Variants in ALDH1A2 observed in about 807,000 individuals in gnomAD.
The protein encoded by ALDH1A2 is retinal dehydrogenase 2.
In ALDH1A2, 27 loss-of-function variants were observed where a neutral mutation model predicts 60.3. The ratio of observed to expected loss-of-function variants is 0.45; its 90% confidence interval spans 0.33 to 0.62. The LOEUF is 0.62. ALDH1A2 is among the 20% of genes least tolerant of loss of function. ALDH1A2 has a pLI of 0.02. For synonymous variants in ALDH1A2, 289 were observed against 232.4 expected, an observed-to-expected ratio of 1.24 and a Z score of -2.21; for missense variants, 581 against 643.8, an observed-to-expected ratio of 0.90 and a Z score of 1.06.
intron 1 of ALDH1A2, among the ~76,000 whole-genome samples, chr15:58,030,404 C>G (rs1896203680): frequency 6.6e-6 from 1 of 152,142 alleles, no homozygotes; most frequent in Admixed American, 6.6e-5. Flanking sequence ...ATAATAAGAG[C>G]TATTTATGAC....
chr15:58,011,340 A>G (rs546659164), intron 3 of ALDH1A2, among the ~76,000 whole-genome samples: 1 of 152,330 alleles, frequency 6.6e-6, no homozygotes, highest in South Asian at 2.1e-4. Context: ...TTTTGTAAAC[A>G]TTTACATTAA....
rs75685914 is a variant in ALDH1A2 at position 57,957,115 on chromosome 15, C to A, written c.1485-1846G>T. ...GGAAAGCCAGTAAGCAGTCTTAGAG[C>A]AGCACGACTGAGGAGGCATGGAGGA... On this transcript the variant is annotated intron_variant, in intron 12 of 12. Transcript: ENST00000249750. Among the ~76,000 whole-genome samples, 3 of 152,254 alleles carry A rather than the reference C, an allele frequency of 2.0e-5. No individual in the cohort carries two copies. In the East Asian group the frequency reaches 5.8e-4, roughly 29 times the overall value.
chr15:57,995,776 T>C (rs773686442), intron 4 of ALDH1A2, among the ~76,000 whole-genome samples: 19 of 152,050 alleles, frequency 1.2e-4, no homozygotes, highest in Admixed American at 2.6e-4. Flanking sequence ...GAAATGAGAA[T>C]GTCCTAGGGG....
At position 57,954,924 on chromosome 15, in the gene ALDH1A2, A is replaced by G; in HGVS notation, c.*273T>C. 1.9e-6 allele frequency: 1 copy of G among 539,556 alleles called. No homozygotes were observed. The highest frequency in any genetic ancestry group is 2.1e-5 in the South Asian group (1 of 47,312). The allele number at this position is 539,556 out of a possible 1,614,324, so 33.4% of individuals were successfully genotyped here. ...TTATTTCATCCTGTGCTCCAGAAGG[A>G]GATACTGGATGTGTCTGCTAGCTCC... is the stretch of plus-strand genomic sequence containing the variant. On this transcript the variant is annotated 3_prime_UTR_variant, in exon 13 of 13. Transcript: ENST00000249750.
Position 57,958,502 on chromosome 15 carries a change from C to T in ALDH1A2, c.1484+2268G>A, listed in dbSNP as rs188625871. Among the ~76,000 whole-genome samples the T allele has an allele frequency of 3.3e-5, 5 of 152,248 alleles. No individual in the cohort carries two copies. The East Asian group carries it at 9.7e-4, about 29-fold the overall frequency. ...TGGGAATTAAGAGGGCAGCCCTCCCCACAGCTCTCTGTGGGGAGACCTCGT... is the reference window on the plus strand; with the variant it reads ...TGGGAATTAAGAGGGCAGCCCTCCCTACAGCTCTCTGTGGGGAGACCTCGT... On this transcript the variant is annotated intron_variant, in intron 12 of 12. Transcript: ENST00000249750.
At chr15:58,061,634 A>C (rs1172225472) in intron 1 of ALDH1A2, among the ~76,000 whole-genome samples, 1 of 148,856 alleles carries the variant, frequency 6.7e-6, no homozygotes, top group African/African-American at 2.4e-5. Context: ...AAACGGAACA[A>C]AACGATGAAA....
At chr15:57,987,255 A>AT (rs1220142166) in intron 7 of ALDH1A2, among the ~76,000 whole-genome samples, 1 of 152,170 alleles carries the variant, frequency 6.6e-6, no homozygotes. Flanking sequence ...CAAAAAAAAA[A>AT]GATTTGAAAA....
intron 1 of ALDH1A2, among the ~76,000 whole-genome samples, chr15:58,022,258 CCA>C (rs1371490434): frequency 6.6e-6 from 1 of 152,142 alleles, no homozygotes; most frequent in African/African-American, 2.4e-5. Context: ...ACCCAATCTA[CCA>C]CCTTGGGTAC....
intron 8 of ALDH1A2, 112 bp from the exon 9 acceptor site, chr15:57,964,181 C>G: frequency 1.8e-6 from 2 of 1,132,058 alleles, no homozygotes; most frequent in Non-Finnish European, 2.6e-6. Flanking sequence ...CACTGCATGA[C>G]ATAACCATGA....
intron 7 of ALDH1A2, among the ~76,000 whole-genome samples, chr15:57,976,356 C>G (rs1287692142): frequency 1.3e-5 from 2 of 152,068 alleles, no homozygotes; most frequent in African/African-American, 4.8e-5. Context: ...TTACATGTGC[C>G]ATGGTGGTTT....
At chr15:57,983,241 T>C (rs1392105773) in intron 7 of ALDH1A2, among the ~76,000 whole-genome samples, 1 of 152,240 alleles carries the variant, frequency 6.6e-6, no homozygotes, top group African/African-American at 2.4e-5. Context: ...GTGCTGATTC[T>C]TTAATATCTG....
intron 1 of ALDH1A2, among the ~76,000 whole-genome samples, chr15:58,021,246 C>T (rs1209311786): frequency 1.3e-5 from 2 of 152,158 alleles, no homozygotes; most frequent in African/African-American, 2.4e-5. Flanking sequence ...TCACTAGAAG[C>T]AGTTTATATG....
intron 4 of ALDH1A2, among the ~76,000 whole-genome samples, chr15:58,008,143 T>C (rs945698996): frequency 1.3e-5 from 2 of 152,108 alleles, no homozygotes; most frequent in Admixed American, 6.6e-5. Context: ...AGAGCTCTTA[T>C]GACCCAAACT....
At chr15:57,981,415 C>A (rs779857739) in intron 7 of ALDH1A2, among the ~76,000 whole-genome samples, 1 of 151,448 alleles carries the variant, frequency 6.6e-6, no homozygotes, top group Non-Finnish European at 1.5e-5. Flanking sequence ...AGTAAAGCTG[C>A]CAGAGGAGAG....
Position 58,004,625 on chromosome 15 carries a change from C to G in ALDH1A2, c.493+6024G>C, listed in dbSNP as rs1406743266. Among the ~76,000 whole-genome samples, 2 of 151,030 alleles carry G rather than the reference C, an allele frequency of 1.3e-5. 1 individual carries two copies. The highest frequency in any genetic ancestry group is 3.0e-5 in the Non-Finnish European group (2 of 67,728). Reference sequence around the variant, plus strand: ...TCACTTATTTCAGTATAATGGCCTCCAACCCCATCCATGTTGCTGCAAAAG... The same window carrying G: ...TCACTTATTTCAGTATAATGGCCTCGAACCCCATCCATGTTGCTGCAAAAG... On this transcript the variant is annotated intron_variant, in intron 4 of 12. Transcript: ENST00000249750.
At chr15:57,966,985 A>C (rs1294755154) in intron 7 of ALDH1A2, among the ~76,000 whole-genome samples, 3 of 152,248 alleles carry the variant, frequency 2.0e-5, no homozygotes, top group Non-Finnish European at 4.4e-5. Context: ...TGTTGAGATG[A>C]AAAAATGTTA....
intron 1 of ALDH1A2, among the ~76,000 whole-genome samples, chr15:58,043,567 GC>G (rs1896569503): frequency 6.6e-6 from 1 of 151,934 alleles, no homozygotes; most frequent in African/African-American, 2.4e-5. Context: ...AAATGTGACT[GC>G]CTTCTTTTCC....
chr15:58,022,022 G>T (rs1378287434), intron 1 of ALDH1A2, among the ~76,000 whole-genome samples: 1 of 152,170 alleles, frequency 6.6e-6, no homozygotes, highest in Non-Finnish European at 1.5e-5. Flanking sequence ...TCCAGGCTGT[G>T]GCCACTGATG....
intron 1 of ALDH1A2, chr15:58,058,108 C>T (rs1489470272): frequency 5.9e-6 from 9 of 1,521,526 alleles, no homozygotes; most frequent in African/African-American, 5.5e-5. Flanking sequence ...AATTTTCACA[C>T]CTAGAGAAAT....
Sources: allele counts gnomAD v4.1 joint callset (sites outside exome capture counted in the v4.1 genomes callset), GRCh38; gene constraint gnomAD v4.1.1; transcripts MANE v1.5; gene names NCBI Gene and HGNC (gene_info 2026-07-23, HGNC 2026-07-21).